ATP11C: variants seen among roughly 807,000 people sequenced by gnomAD.
The protein encoded by ATP11C is ATPase phospholipid transporting 11C (ATP11C blood group).
A neutral mutation model predicts 97.4 loss-of-function variants in ATP11C; 36 were observed. That is an observed-to-expected ratio of 0.37 (90% CI 0.28 to 0.49). The LOEUF (loss-of-function observed/expected upper bound fraction) is 0.49, where lower values mean the gene tolerates loss of function less well. Among genes scored for constraint, ATP11C ranks in the 20% least tolerant of loss-of-function variants. The pLI is 0.98. For synonymous variants in ATP11C, 275 were observed against 290.9 expected (o/e 0.95, Z 0.56); for missense variants, 730 against 824.6 (o/e 0.89, Z 1.40).
intron 1 of ATP11C, among the ~76,000 whole-genome samples, chrX:139,919,020 C>T (rs2085204757): frequency 9.0e-6 from 1 of 111,395 alleles, no homozygotes; most frequent in African/African-American, 3.3e-5. Context: ...GAGGGTGCAT[C>T]ACCTGAGGTT....
At chrX:139,810,945 T>C (rs1400676047) in intron 5 of ATP11C, among the ~76,000 whole-genome samples, 2 of 110,159 alleles carry the variant, frequency 1.8e-5, no homozygotes, top group Non-Finnish European at 3.8e-5. Context: ...TTTAGCATTA[T>C]GTGGCATGAC....
chrX:139,780,307 TA>T (rs1265110609), intron 18 of ATP11C, among the ~76,000 whole-genome samples: 1 of 111,216 alleles, frequency 9.0e-6, no homozygotes, highest in East Asian at 2.8e-4. Flanking sequence ...CTCAACAAAA[TA>T]CTAGCAAACT....
intron 1 of ATP11C, among the ~76,000 whole-genome samples, chrX:139,868,561 C>CAA (rs370631053): frequency 1.3e-5 from 1 of 78,727 alleles, no homozygotes. Flanking sequence ...ACTAAAAGTA[C>CAA]AAAAAAAAAA....
intron 22 of ATP11C, among the ~76,000 whole-genome samples, chrX:139,759,097 T>C (rs1444621762): frequency 9.0e-6 from 1 of 111,689 alleles, no homozygotes; most frequent in Non-Finnish European, 1.9e-5. Flanking sequence ...ATAGTATTCC[T>C]AGAGTCACAG....
At chrX:139,843,840 TGTTA>T (rs771692607) in intron 1 of ATP11C, among the ~76,000 whole-genome samples, 17 of 110,127 alleles carry the variant, frequency 1.5e-4, no homozygotes, top group Non-Finnish European at 3.2e-4. Flanking sequence ...GAAAAAAAAT[TGTTA>T]GTTGTGTTAT....
At chrX:139,735,563 G>A (rs1203211730) in intron 28 of ATP11C, among the ~76,000 whole-genome samples, 4 of 111,880 alleles carry the variant, frequency 3.6e-5, no homozygotes, top group African/African-American at 1.3e-4. Flanking sequence ...GTGTCAGACT[G>A]TTGGTCACTG....
Position 139,771,938 on chromosome X carries a change from T to C in ATP11C, c.2216+2752A>G, listed in dbSNP as rs145170415. Among the ~76,000 whole-genome samples the C allele has an allele frequency of 6.0e-3, 679 of 112,429 alleles. 2 individuals are homozygous for C. The highest frequency in any genetic ancestry group is 0.02 in the African/African-American group (621 of 30,969). ...GAAATTCATGCCAGCTGCAGAAATT[T>C]GCATAAGAAGCAAGGAGCCTAATGT... On this transcript the variant is annotated intron_variant, in intron 19 of 29. Coordinates refer to ENST00000682941, the MANE Select transcript of ATP11C (RefSeq NM_001353812.2).
intron 4 of ATP11C, among the ~76,000 whole-genome samples, chrX:139,815,968 C>T (rs1384238924): frequency 9.0e-6 from 1 of 111,572 alleles, no homozygotes; most frequent in Non-Finnish European, 1.9e-5. Flanking sequence ...ACCACACATG[C>T]TATTCTTGGA....
chrX:139,830,804 A>G lies in ATP11C; in HGVS notation c.28-3981T>C, dbSNP rs1359845402. 6.3e-5 allele frequency among the ~76,000 whole-genome samples: 7 copies of G among 111,721 alleles called. No individual in the cohort carries two copies. In the East Asian group the frequency reaches 2.0e-3, roughly 31 times the overall value. On this transcript the variant is annotated intron_variant, in intron 1 of 29. Transcript: ENST00000682941. ...TGAAGCAGGAATATTTTTGAACAGC[A>G]TAGTGTCTTAAAAAGGCCAAATTCA...
rs184290673 is a variant in ATP11C, at chrX:139,737,550, C to T, written c.3288+366G>A. Among the ~76,000 whole-genome samples, 101 of 111,215 alleles carry T rather than the reference C, an allele frequency of 9.1e-4. 1 individual carries two copies. Among genetic ancestry groups the T allele is most frequent in the African/African-American group, 3.1e-3 (95 of 30,704 alleles). The stretch of plus-strand genomic sequence containing the variant: ...TCAACTGAAAAAAATCTGCAAACAG[C>T]CCACAGGGAAATTTCTAAGTTTAAA... On this transcript the variant is annotated intron_variant, in intron 28 of 29. Transcript: ENST00000682941.
intron 4 of ATP11C, among the ~76,000 whole-genome samples, chrX:139,815,872 A>C (rs2083279818): frequency 9.0e-6 from 1 of 111,076 alleles, no homozygotes; most frequent in Non-Finnish European, 1.9e-5. Context: ...TTTATAGAGT[A>C]CATTTTGTGA....
chrX:139,754,189 A>G (rs2081883528), intron 23 of ATP11C, among the ~76,000 whole-genome samples: 1 of 112,102 alleles, frequency 8.9e-6, no homozygotes, highest in Non-Finnish European at 1.9e-5. Context: ...AGAGACTACT[A>G]TGAACATTTC....
At chrX:139,816,216 A>G (rs1299466833) in intron 4 of ATP11C, among the ~76,000 whole-genome samples, 2 of 111,821 alleles carry the variant, frequency 1.8e-5, no homozygotes, top group East Asian at 5.6e-4. Context: ...GTTAAATATC[A>G]TCTAAAAATA....
Position 139,917,955 on chromosome X carries a change from CAAAAAAAAA to C in ATP11C, c.27+14052_27+14060del, listed in dbSNP as rs774133039. ...TGGGCAGCAGAGCCAGGCTTTGTCT[CAAAAAAAAA>C]AAAAAAAAAAAAAAAAAAGACAGTT... On this transcript the variant is annotated intron_variant, in intron 1 of 29. Coordinates refer to ENST00000682941, the MANE Select transcript of ATP11C (RefSeq NM_001353812.2). 1.3e-4 allele frequency among the ~76,000 whole-genome samples: 5 copies of C among 38,414 alleles called. 1 individual carries two copies. Among genetic ancestry groups the C allele is most frequent in the East Asian group, 2.1e-3 (2 of 974 alleles). The allele number at this position is 38,414 out of a possible 115,157, so 33.4% of individuals were successfully genotyped here. A position where few individuals can be genotyped will look rare whatever the true frequency, so the allele number is the denominator to read the frequency against.
At chrX:139,874,345 C>T (rs1012505717) in intron 1 of ATP11C, among the ~76,000 whole-genome samples, 6 of 108,993 alleles carry the variant, frequency 5.5e-5, no homozygotes, top group Non-Finnish European at 1.1e-4. Flanking sequence ...CAGGCGTGAG[C>T]CACCGCGCCT....
intron 1 of ATP11C, among the ~76,000 whole-genome samples, chrX:139,859,396 C>A (rs1432047145): frequency 1.8e-5 from 2 of 111,985 alleles, no homozygotes; most frequent in African/African-American, 6.5e-5. Context: ...ATGCTAATCA[C>A]CCTGATTTGA....
chrX:139,795,777 G>A (rs1603371907), intron 12 of ATP11C, among the ~76,000 whole-genome samples: 1 of 111,507 alleles, frequency 9.0e-6, no homozygotes, highest in African/African-American at 3.3e-5. Context: ...ATGCCCTCAC[G>A]TTTTCCCTTC....
At chrX:139,799,644 CTTTTTTTTT>C (rs754371113) in intron 8 of ATP11C, among the ~76,000 whole-genome samples, 3 of 60,368 alleles carry the variant, frequency 5.0e-5, no homozygotes, top group Non-Finnish European at 8.2e-5. Flanking sequence ...CTTTATATTC[CTTTTTTTTT>C]TTTTTTTTTT....
chrX:139,880,998 C>T lies in ATP11C; in HGVS notation c.27+51018G>A, dbSNP rs1312561403. On this transcript the variant is annotated intron_variant, in intron 1 of 29. Transcript: ENST00000682941. ...TCCATAGAGTTGGGTTGCTATGGCC[C>T]ATAATTTAACAAATGCATGAACAAC... Among the ~76,000 whole-genome samples the T allele has an allele frequency of 2.7e-5, 3 of 111,554 alleles. No homozygotes were observed. In the East Asian group the frequency reaches 8.5e-4, roughly 31 times the overall value.
Sources: allele counts gnomAD v4.1 joint callset (sites outside exome capture counted in the v4.1 genomes callset), GRCh38; gene constraint gnomAD v4.1.1; transcripts MANE v1.5; gene names NCBI Gene and HGNC (gene_info 2026-07-23, HGNC 2026-07-21).